Variants in RPH3AL observed in about 807,000 individuals in gnomAD.
RPH3AL encodes rabphilin 3A like (without C2 domains).
RPH3AL carries 38 observed loss-of-function variants against 43.1 expected under a neutral mutation model. The ratio of observed to expected loss-of-function variants is 0.88; its 90% CI spans 0.68 to 1.15. RPH3AL has a LOEUF of 1.15. RPH3AL is among the 50% of genes most tolerant of loss of function. The pLI, the probability that RPH3AL is intolerant of heterozygous loss-of-function variation, is 0.00. For synonymous variants in RPH3AL, 189 were observed against 176.3 expected, an observed-to-expected ratio of 1.07 and a Z score of -0.57; for missense variants, 462 against 423.2, an observed-to-expected ratio of 1.09 and a Z score of -0.81.
intron 6 of RPH3AL, among the ~76,000 whole-genome samples, chr17:249,996 T>G (rs1555541716): frequency 7.6e-6 from 1 of 132,132 alleles, no homozygotes; most frequent in South Asian, 2.6e-4. Context: ...GAGCCTTTAC[T>G]AAGCTCCATC....
At chr17:299,478 A>G (rs2043267093) in intron 5 of RPH3AL, among the ~76,000 whole-genome samples, 1 of 152,190 alleles carries the variant, frequency 6.6e-6, no homozygotes, top group South Asian at 2.1e-4. Flanking sequence ...CCTGGGGGAA[A>G]TGAACCCGCT....
chr17:239,978 C>T (rs1481664605), intron 7 of RPH3AL, among the ~76,000 whole-genome samples: 1 of 152,198 alleles, frequency 6.6e-6, no homozygotes, highest in Non-Finnish European at 1.5e-5. Flanking sequence ...TGGCTCACGC[C>T]TCTAATCCTA....
At chr17:276,065 C>T (rs1487681017) in intron 6 of RPH3AL, among the ~76,000 whole-genome samples, 5 of 152,124 alleles carry the variant, frequency 3.3e-5, no homozygotes, top group African/African-American at 1.2e-4. Context: ...TCAAGAACCT[C>T]GTCTCCAGGA....
chr17:278,211 A>G (rs1396286232), intron 6 of RPH3AL, among the ~76,000 whole-genome samples: 1 of 151,988 alleles, frequency 6.6e-6, no homozygotes, highest in Non-Finnish European at 1.5e-5. Flanking sequence ...ACGAGATCTG[A>G]TGGTTTTATA....
chr17:344,827 T>C (rs570253944), intron 1 of RPH3AL, among the ~76,000 whole-genome samples: 1 of 136,084 alleles, frequency 7.3e-6, no homozygotes, highest in East Asian at 2.4e-4. Flanking sequence ...ATCACTATTC[T>C]CATCATCATC....
chr17:326,198 A>G (rs952721425), intron 3 of RPH3AL, among the ~76,000 whole-genome samples: 4 of 152,254 alleles, frequency 2.6e-5, no homozygotes, highest in Non-Finnish European at 5.9e-5. Flanking sequence ...GAAGGAGCCG[A>G]GCCCTCCTGG....
At chr17:332,293 C>T (rs1047710574) in intron 2 of RPH3AL, 12 of 255,572 alleles carry the variant, frequency 4.7e-5, no homozygotes, top group African/African-American at 1.6e-4. Context: ...TGTGTGTGCG[C>T]GTGTGTGTGT....
At chr17:222,567 TGA>T (rs1443903921) in intron 7 of RPH3AL, among the ~76,000 whole-genome samples, 1 of 152,204 alleles carries the variant, frequency 6.6e-6, no homozygotes, top group Non-Finnish European at 1.5e-5. Context: ...TAATCAACAG[TGA>T]GAGTCATAAT....
chr17:319,019 G>A (rs28454961), intron 5 of RPH3AL, among the ~76,000 whole-genome samples: 12,778 of 152,256 alleles, frequency 0.084, 608 homozygotes, highest in Non-Finnish European at 0.11. Context: ...AGAGTTTTGC[G>A]TTGAAGAATA....
chr17:272,694 C>T (rs2042500297), intron 6 of RPH3AL, among the ~76,000 whole-genome samples: 1 of 150,928 alleles, frequency 6.6e-6, no homozygotes, highest in African/African-American at 2.4e-5. Flanking sequence ...CAACATGGCA[C>T]AGGTATACAG....
chr17:321,511 T>A, intron 3 of RPH3AL, 96 bp from the exon 4 acceptor site: 1 of 1,351,098 alleles, frequency 7.4e-7, no homozygotes, highest in Non-Finnish European at 9.7e-7. Context: ...GAACAGTCAG[T>A]GGACGGCCCA....
At chr17:219,774 C>A (rs1597871279) in intron 7 of RPH3AL, 38 bp from the exon 8 acceptor site, 2 of 1,471,608 alleles carry the variant, frequency 1.4e-6, no homozygotes, top group Middle Eastern at 1.7e-4. Flanking sequence ...GGTCACCCGA[C>A]CAGCCCCTAC....
intron 6 of RPH3AL, among the ~76,000 whole-genome samples, chr17:279,510 G>C (rs2042730248): frequency 1.3e-5 from 2 of 152,194 alleles, no homozygotes; most frequent in African/African-American, 4.8e-5. Context: ...TCTGGGCACT[G>C]GAGCCCTCTG....
At chr17:285,161 T>A (rs892336945) in intron 5 of RPH3AL, among the ~76,000 whole-genome samples, 8 of 152,156 alleles carry the variant, frequency 5.3e-5, no homozygotes, top group Non-Finnish European at 1.2e-4. Context: ...AGCATCGTCG[T>A]GTCTCTCAGC....
chr17:260,605 G>A (rs1359833055), intron 6 of RPH3AL, among the ~76,000 whole-genome samples: 1 of 152,090 alleles, frequency 6.6e-6, no homozygotes, highest in African/African-American at 2.4e-5. Flanking sequence ...GTGACTGAGC[G>A]GTCTTCTCAA....
chr17:215,437 TG>T lies in RPH3AL; in HGVS notation c.876+216del, dbSNP rs2040773420. Reference sequence around the variant, plus strand: ...TAACCACTGCTGTGATTACCGAGAGTGGCTAGGGATGGCTACCATTATCATT... The same window carrying T: ...TAACCACTGCTGTGATTACCGAGAGTGCTAGGGATGGCTACCATTATCATT... On this transcript the variant is annotated intron_variant, in intron 9 of 9. Transcript: ENST00000331302. The surrounding 1 kb of genome is among the most constrained non-coding windows in gnomAD (Gnocchi z 4.1). Among the ~76,000 whole-genome samples the T allele has an allele frequency of 6.6e-6, 1 of 151,690 alleles. No homozygotes were observed. Among genetic ancestry groups the T allele is most frequent in the Admixed American group, 6.6e-5 (1 of 15,236 alleles).
intron 5 of RPH3AL, among the ~76,000 whole-genome samples, chr17:315,364 A>G (rs370334428): frequency 5.6e-3 from 205 of 36,602 alleles, no homozygotes; most frequent in Middle Eastern, 0.017. Flanking sequence ...ACTTCCACTG[A>G]CCTGTAGTCC....
At chr17:214,073 G>A in intron 9 of RPH3AL, 150 bp from the exon 10 acceptor site, 1 of 634,584 alleles carries the variant, frequency 1.6e-6, no homozygotes, top group Non-Finnish European at 2.8e-6. Context: ...CCGAGCTCGA[G>A]ACCAGCACCG....
rs2045245608 is a variant in RPH3AL at position 346,832 on chromosome 17, T to C, written c.-213+5880A>G. 1.5e-5 allele frequency among the ~76,000 whole-genome samples: 2 copies of C among 136,024 alleles called. 1 individual carries two copies. The allele number at this position is 136,024 out of a possible 152,430, so 89.2% of individuals were successfully genotyped here. ...GCCAATGAAAAGATGTCCAACATGA[T>C]ATGTAATTAGGGAATTGCAAATTAA... On this transcript the variant is annotated intron_variant, in intron 1 of 9. Coordinates refer to ENST00000331302, the MANE Select transcript of RPH3AL (RefSeq NM_006987.4).
Sources: allele counts gnomAD v4.1 joint callset (sites outside exome capture counted in the v4.1 genomes callset), GRCh38; gene constraint gnomAD v4.1.1; non-coding constraint Gnocchi (gnomAD v3.1); transcripts MANE v1.5; gene names NCBI Gene and HGNC (gene_info 2026-07-23, HGNC 2026-07-21).